STK3: variants seen among roughly 807,000 people sequenced by gnomAD.
The protein encoded by STK3 is serine/threonine kinase 3.
Under a neutral mutation model 58.0 loss-of-function variants are expected in STK3, and 41 were observed. The ratio of observed to expected loss-of-function variants is 0.71; its 90% confidence interval spans 0.55 to 0.92. The LOEUF (loss-of-function observed/expected upper bound fraction) is 0.92. Among genes scored for constraint, STK3 ranks in the 40% least tolerant of loss-of-function variants. The pLI is 0.00. For synonymous variants in STK3, 170 were observed against 191.0 expected, an observed-to-expected ratio of 0.89 and a Z score of 0.91; for missense variants, 479 against 602.7, an observed-to-expected ratio of 0.79 and a Z score of 2.15.
chr8:98,353,651 G>A, the STK3 span, among the ~76,000 whole-genome samples: 1 of 152,168 alleles, frequency 6.6e-6, no homozygotes, highest in Admixed American at 6.5e-5. Context: ...CATTTCAGAT[G>A]AGGGATATTC....
At chr8:98,551,352 T>C (rs1413065115) in intron 8 of STK3, among the ~76,000 whole-genome samples, 1 of 152,232 alleles carries the variant, frequency 6.6e-6, no homozygotes, top group East Asian at 1.9e-4. Flanking sequence ...TGGACAAGAA[T>C]GTCTTAGAGT....
At chr8:98,757,743 T>C (rs1271435201) in intron 3 of STK3, among the ~76,000 whole-genome samples, 1 of 151,406 alleles carries the variant, frequency 6.6e-6, no homozygotes, top group African/African-American at 2.4e-5. Context: ...AAACAACAAA[T>C]ATTCACTGAA....
At chr8:98,831,015 G>A (rs968461744) in intron 3 of STK3, among the ~76,000 whole-genome samples, 4 of 147,934 alleles carry the variant, frequency 2.7e-5, no homozygotes, top group African/African-American at 7.5e-5. Flanking sequence ...ATCTGTTTCT[G>A]CTTCCAACAG....
intron 3 of STK3, chr8:98,430,170 A>C (rs1263888506): frequency 1.2e-5 from 2 of 167,072 alleles, no homozygotes; most frequent in African/African-American, 4.8e-5. Flanking sequence ...GGCTTCAGCT[A>C]AATAGTCCAA....
chr8:98,814,605 C>G (rs1274522654), intron 1 of STK3, among the ~76,000 whole-genome samples: 11 of 152,170 alleles, frequency 7.2e-5, no homozygotes, highest in Admixed American at 7.2e-4. Context: ...CCCCCAGGCT[C>G]AGGCAATCCT....
chr8:98,375,260 CA>C (rs1242487383), intron 2 of STK3, among the ~76,000 whole-genome samples: 3 of 127,888 alleles, frequency 2.3e-5, no homozygotes, highest in South Asian at 2.4e-4. Flanking sequence ...GTTTCCAAAA[CA>C]AAAAAAAAAC....
At chr8:98,449,499 T>C (rs901245815) in intron 1 of STK3, among the ~76,000 whole-genome samples, 4 of 152,210 alleles carry the variant, frequency 2.6e-5, no homozygotes, top group Non-Finnish European at 5.9e-5. Context: ...ACATGGTTCA[T>C]ATTTGTAAGG....
At chr8:98,915,017 T>C (rs1038627744) in intron 1 of STK3, among the ~76,000 whole-genome samples, 1 of 152,230 alleles carries the variant, frequency 6.6e-6, no homozygotes, top group Non-Finnish European at 1.5e-5. Flanking sequence ...CTTTGGTTTC[T>C]TCTCTAAAAG....
chr8:98,588,935 G>T (rs879433284), intron 7 of STK3, among the ~76,000 whole-genome samples: 16 of 146,884 alleles, frequency 1.1e-4, no homozygotes, highest in East Asian at 2.0e-4. Flanking sequence ...TCGAGCCTTG[G>T]TTTTCAGCTC....
intron 6 of STK3, among the ~76,000 whole-genome samples, chr8:98,650,367 G>A (rs1244651837): frequency 6.6e-6 from 1 of 152,242 alleles, no homozygotes; most frequent in Admixed American, 6.5e-5. Flanking sequence ...CAGCCAAGAT[G>A]ACCGAATAGG....
rs188684979 is a variant in STK3 at position 98,508,316 on chromosome 8, A to G, written c.1317+18426T>C. ...AATTCCTAAGTTACAGCAATATTAC[A>G]GTCACCCTGCTGTAATAATCACCTA... On this transcript the variant is annotated intron_variant, in intron 10 of 10. Transcript: ENST00000419617. Among the ~76,000 whole-genome samples, 20 of 152,330 alleles carry G rather than the reference A, an allele frequency of 1.3e-4. No homozygotes were observed. The East Asian group carries it at 3.5e-3, about 26-fold the overall frequency.
chr8:98,734,840 A>AC (rs1005226730), intron 4 of STK3, among the ~76,000 whole-genome samples: 1 of 152,124 alleles, frequency 6.6e-6, no homozygotes, highest in African/African-American at 2.4e-5. Flanking sequence ...TCAAAAAAAA[A>AC]AAGCTCATAT....
At chr8:98,807,071 G>A (rs1254506888) in intron 1 of STK3, among the ~76,000 whole-genome samples, 9 of 147,642 alleles carry the variant, frequency 6.1e-5, no homozygotes, top group African/African-American at 1.8e-4. Context: ...GGAAAATGCC[G>A]CAAACCCAGG....
At chr8:98,491,090 C>T (rs1207109777) in intron 10 of STK3, among the ~76,000 whole-genome samples, 1 of 151,646 alleles carries the variant, frequency 6.6e-6, no homozygotes, top group Non-Finnish European at 1.5e-5. Context: ...CCTCTATCTT[C>T]TAAAAGTAGC....
At chr8:98,816,216 A>T (rs189150093) in intron 1 of STK3, among the ~76,000 whole-genome samples, 1 of 152,362 alleles carries the variant, frequency 6.6e-6, no homozygotes, top group African/African-American at 2.4e-5. Flanking sequence ...GTGACAACTC[A>T]TATCAAAACT....
chr8:98,774,725 C>CT lies in STK3; in HGVS notation c.107+13dup, dbSNP rs780662266. The CT allele has an allele frequency of 6.5e-7, 1 of 1,544,106 alleles. No homozygotes were observed. Among genetic ancestry groups the CT allele is most frequent in the East Asian group, 2.3e-5 (1 of 43,564 alleles). On this transcript the variant is annotated intron_variant, in intron 2 of 10. Coordinates refer to ENST00000419617, the MANE Select transcript of STK3 (RefSeq NM_006281.4). The stretch of plus-strand genomic sequence containing the variant: ...CTGAAATTATTTACATGCTTTCATA[C>CT]TTTTTGTACTTACCCTTCTCCAAGC...
At chr8:98,416,596 GT>G (rs1818117197) in intron 3 of STK3, among the ~76,000 whole-genome samples, 1 of 152,162 alleles carries the variant, frequency 6.6e-6, no homozygotes, top group Non-Finnish European at 1.5e-5. Context: ...TTCCAGCATT[GT>G]GTTCCCCACC....
At chr8:98,588,349 C>A (rs1814869650) in intron 7 of STK3, among the ~76,000 whole-genome samples, 1 of 151,588 alleles carries the variant, frequency 6.6e-6, no homozygotes, top group Admixed American at 6.6e-5. Flanking sequence ...ATTTCTCCTT[C>A]ACTTATGAAG....
chr8:98,680,786 C>T (rs1340154736), intron 6 of STK3, among the ~76,000 whole-genome samples: 2 of 151,848 alleles, frequency 1.3e-5, no homozygotes, highest in Non-Finnish European at 2.9e-5. Context: ...ATCCAGAGAA[C>T]TAAATAAAAT....
Sources: gnomAD v4.1 joint callset for allele counts (sites outside exome capture counted in the v4.1 genomes callset) on GRCh38, gnomAD v4.1.1 for gene constraint, MANE v1.5 for transcripts, NCBI Gene and HGNC (gene_info 2026-07-23, HGNC 2026-07-21) for gene names.